Variants in LRRTM4 observed in about 807,000 individuals in gnomAD.
The protein encoded by LRRTM4 is leucine-rich repeat transmembrane neuronal protein 4.
A neutral mutation model predicts 47.6 loss-of-function variants in LRRTM4; 25 were observed. The ratio of observed to expected loss-of-function variants is 0.53; its 90% confidence interval spans 0.38 to 0.73. The LOEUF is 0.73. LRRTM4 is among the 30% of genes least tolerant of loss of function. LRRTM4 has a pLI of 0.00. For missense variants in LRRTM4, 638 were observed against 713.4 expected (o/e 0.89, Z 1.20); for synonymous variants, 311 against 269.5 (o/e 1.15, Z -1.51).
chr2:76,795,856 C>A (rs551575064), intron 3 of LRRTM4, among the ~76,000 whole-genome samples: 4 of 152,124 alleles, frequency 2.6e-5, no homozygotes, highest in South Asian at 4.2e-4. Flanking sequence ...CAGCTCCCAG[C>A]GTGAGCGACG....
intron 3 of LRRTM4, among the ~76,000 whole-genome samples, chr2:77,462,534 G>A (rs1455877912): frequency 6.6e-6 from 1 of 151,932 alleles, no homozygotes; most frequent in Non-Finnish European, 1.5e-5. Context: ...TAAACCTCCT[G>A]CTATGAAATA....
At position 77,086,409 on chromosome 2, in the gene LRRTM4, A is replaced by AGTGT. The variant is rs111490311; in HGVS notation, c.1552-337497_1552-337494dup. Among the ~76,000 whole-genome samples, 7 of 150,716 alleles carry AGTGT rather than the reference A, an allele frequency of 4.6e-5. No homozygotes were observed. The South Asian group carries it at 6.3e-4, about 13-fold the overall frequency. On this transcript the variant is annotated intron_variant, in intron 3 of 3. Coordinates refer to ENST00000409884, the MANE Select transcript of LRRTM4 (RefSeq NM_001134745.3). ...TATTTTTTACTTTTTAAACATTTTT[A>AGTGT]GTGTGTGTATGTGTGTGTATGTGTG...
At chr2:77,274,145 T>A (rs763117630) in intron 3 of LRRTM4, among the ~76,000 whole-genome samples, 5 of 151,836 alleles carry the variant, frequency 3.3e-5, no homozygotes, top group Non-Finnish European at 7.4e-5. Context: ...ATGATCACAT[T>A]TACACACACA....
intron 3 of LRRTM4, among the ~76,000 whole-genome samples, chr2:77,090,918 A>C (rs1007601658): frequency 6.6e-6 from 1 of 152,054 alleles, no homozygotes; most frequent in East Asian, 1.9e-4. Flanking sequence ...TCACAGTGGA[A>C]GGTAAGCCCA....
At chr2:76,882,945 C>G (rs1672972763) in intron 3 of LRRTM4, among the ~76,000 whole-genome samples, 1 of 152,038 alleles carries the variant, frequency 6.6e-6, no homozygotes, top group Admixed American at 6.6e-5. Flanking sequence ...TTGCTACAGC[C>G]ATTTATCCTT....
At chr2:77,375,138 A>G (rs1672787023) in intron 3 of LRRTM4, among the ~76,000 whole-genome samples, 2 of 151,662 alleles carry the variant, frequency 1.3e-5, no homozygotes, top group African/African-American at 4.8e-5. Context: ...GAGTTTAAGT[A>G]GTACAAATTT....
intron 3 of LRRTM4, among the ~76,000 whole-genome samples, chr2:77,070,778 G>T (rs370354437): frequency 1.3e-5 from 2 of 151,942 alleles, no homozygotes; most frequent in Admixed American, 6.6e-5. Flanking sequence ...CTACAGGCAC[G>T]CACTACCATG....
At chr2:77,345,177 A>G (rs1438111274) in intron 3 of LRRTM4, among the ~76,000 whole-genome samples, 2 of 151,734 alleles carry the variant, frequency 1.3e-5, no homozygotes, top group Non-Finnish European at 2.9e-5. Context: ...ATGAATAAAG[A>G]TAAAACAATA....
At chr2:77,284,314 T>C (rs1288853410) in intron 3 of LRRTM4, among the ~76,000 whole-genome samples, 1 of 152,134 alleles carries the variant, frequency 6.6e-6, no homozygotes, top group East Asian at 1.9e-4. Context: ...GTTCTGTTAA[T>C]ATAGATTTAC....
At chr2:76,785,787 G>A (rs577758072) in intron 3 of LRRTM4, among the ~76,000 whole-genome samples, 54 of 151,994 alleles carry the variant, frequency 3.6e-4, no homozygotes, top group Non-Finnish European at 7.5e-4. Context: ...TAAACTTATA[G>A]CATGGCTTTA....
At chr2:77,071,320 T>G (rs1401000863) in intron 3 of LRRTM4, among the ~76,000 whole-genome samples, 2 of 152,176 alleles carry the variant, frequency 1.3e-5, no homozygotes, top group African/African-American at 4.8e-5. Context: ...TTTTGATATA[T>G]GCATATTTTG....
At chr2:77,441,031 G>T (rs752526948) in intron 3 of LRRTM4, among the ~76,000 whole-genome samples, 4 of 152,132 alleles carry the variant, frequency 2.6e-5, no homozygotes, top group Non-Finnish European at 5.9e-5. Context: ...AACTAAATCT[G>T]CTGAAATAGT....
intron 3 of LRRTM4, among the ~76,000 whole-genome samples, chr2:77,175,015 A>G (rs1673153119): frequency 6.6e-6 from 1 of 152,076 alleles, no homozygotes; most frequent in Non-Finnish European, 1.5e-5. Flanking sequence ...GTTTTAAGCC[A>G]AGCACAAAGT....
intron 3 of LRRTM4, among the ~76,000 whole-genome samples, chr2:76,835,274 G>GA (rs1671476939): frequency 1.3e-5 from 2 of 149,042 alleles, no homozygotes; most frequent in Non-Finnish European, 1.5e-5. Context: ...AGCCCTGAGA[G>GA]AAAAAAACAC....
At chr2:76,948,425 G>C (rs977703731) in intron 3 of LRRTM4, among the ~76,000 whole-genome samples, 18 of 151,898 alleles carry the variant, frequency 1.2e-4, no homozygotes, top group African/African-American at 4.3e-4. Flanking sequence ...TATTTGCAAA[G>C]AAAATGTAAT....
At chr2:77,332,265 C>A (rs10196028) in intron 3 of LRRTM4, among the ~76,000 whole-genome samples, 3,026 of 152,138 alleles carry the variant, frequency 0.02, 110 homozygotes, top group African/African-American at 0.068. Flanking sequence ...CATAAATAAA[C>A]CAAACAATAA....
intron 3 of LRRTM4, among the ~76,000 whole-genome samples, chr2:77,138,844 C>T (rs555896885): frequency 6.6e-6 from 1 of 152,254 alleles, no homozygotes; most frequent in Admixed American, 6.5e-5. Context: ...ACTATACACA[C>T]CTTTATGCAA....
intron 3 of LRRTM4, among the ~76,000 whole-genome samples, chr2:77,372,619 A>G (rs759806107): frequency 4.6e-5 from 7 of 151,728 alleles, no homozygotes; most frequent in Non-Finnish European, 1.0e-4. Context: ...CAATTGATCC[A>G]ATAAAGAATA....
At chr2:76,832,997 G>T (rs1419691494) in intron 3 of LRRTM4, among the ~76,000 whole-genome samples, 1 of 152,026 alleles carries the variant, frequency 6.6e-6, no homozygotes, top group Non-Finnish European at 1.5e-5. Flanking sequence ...AGCAAAACTG[G>T]AAAGTTAGAA....
Sources: gnomAD v4.1 joint callset for allele counts (sites outside exome capture counted in the v4.1 genomes callset) on GRCh38, gnomAD v4.1.1 for gene constraint, MANE v1.5 for transcripts, NCBI Gene and HGNC (gene_info 2026-07-23, HGNC 2026-07-21) for gene names.